RALYL: variants seen among roughly 807,000 people sequenced by gnomAD.
The protein encoded by RALYL is RALY RNA binding protein like, also known as RNA-binding Raly-like protein.
In RALYL, 29 loss-of-function variants were observed where a neutral mutation model predicts 35.1. That is an observed-to-expected ratio of 0.83 (90% CI 0.61 to 1.13). The LOEUF is 1.13. Ranked by LOEUF, RALYL falls within the 50% of genes most tolerant of loss-of-function variation. RALYL has a pLI of 0.00. For synonymous variants in RALYL, 120 were observed against 127.6 expected (o/e 0.94, Z 0.40); for missense variants, 359 against 360.4 (o/e 1.00, Z 0.03).
At chr8:84,784,853 G>A (rs554958602) in intron 3 of RALYL, among the ~76,000 whole-genome samples, 103 of 152,218 alleles carry the variant, frequency 6.8e-4, no homozygotes, top group Admixed American at 1.0e-3. Context: ...TGCTTCACAC[G>A]AAAATTCATT....
chr8:84,471,057 G>T (rs990134329), intron 1 of RALYL, among the ~76,000 whole-genome samples: 2 of 152,118 alleles, frequency 1.3e-5, no homozygotes, highest in Non-Finnish European at 2.9e-5. Flanking sequence ...CTGCCTCTTG[G>T]CTCTGAGTTA....
At chr8:84,473,979 G>C (rs2053099543) in intron 1 of RALYL, among the ~76,000 whole-genome samples, 3 of 151,868 alleles carry the variant, frequency 2.0e-5, no homozygotes, top group African/African-American at 4.8e-5. Flanking sequence ...TGAAATTCTT[G>C]TTCATATTAC....
At chr8:84,651,318 A>C (rs1365530379) in intron 2 of RALYL, among the ~76,000 whole-genome samples, 2 of 151,878 alleles carry the variant, frequency 1.3e-5, no homozygotes, top group Non-Finnish European at 2.9e-5. Context: ...ACTATGAATA[A>C]TACAGTTAAT....
At chr8:84,718,228 G>T (rs2132585874) in intron 2 of RALYL, among the ~76,000 whole-genome samples, 1 of 152,084 alleles carries the variant, frequency 6.6e-6, no homozygotes, top group Non-Finnish European at 1.5e-5. Context: ...TCCATTACTT[G>T]TCCCAATTGA....
chr8:84,688,780 A>T (rs1342796577), intron 2 of RALYL, among the ~76,000 whole-genome samples: 1 of 152,162 alleles, frequency 6.6e-6, no homozygotes, highest in Non-Finnish European at 1.5e-5. Context: ...TCATGGAGTG[A>T]AGAGTCAACC....
At chr8:84,184,793 G>A (rs956897434) in intron 1 of RALYL, 40 of 567,906 alleles carry the variant, frequency 7.0e-5, no homozygotes, top group Non-Finnish European at 1.2e-4. Flanking sequence ...ACAGCAGGAG[G>A]GGCGAGGGCC....
intron 2 of RALYL, among the ~76,000 whole-genome samples, chr8:84,714,818 T>A (rs1842721785): frequency 6.6e-6 from 1 of 151,890 alleles, no homozygotes; most frequent in Non-Finnish European, 1.5e-5. Context: ...GTGGGTATAA[T>A]AAGCCATTAT....
intron 1 of RALYL, among the ~76,000 whole-genome samples, chr8:84,372,004 T>C (rs186636763): frequency 3.9e-4 from 59 of 152,148 alleles, no homozygotes; most frequent in African/African-American, 1.1e-3. Context: ...TAAAGTTTCT[T>C]ACATGAATTT....
chr8:84,650,264 AC>A (rs1307451525), intron 2 of RALYL, among the ~76,000 whole-genome samples: 9 of 152,000 alleles, frequency 5.9e-5, no homozygotes, highest in African/African-American at 1.9e-4. Flanking sequence ...CTAATTGAGT[AC>A]CCTTTATTTC....
intron 2 of RALYL, among the ~76,000 whole-genome samples, chr8:84,757,905 T>G (rs996918497): frequency 1.3e-5 from 2 of 152,120 alleles, no homozygotes; most frequent in Admixed American, 6.6e-5. Context: ...AATCTGAGTT[T>G]CTGGCATGCT....
At chr8:84,726,722 G>GT (rs1018841384) in intron 2 of RALYL, among the ~76,000 whole-genome samples, 2 of 151,928 alleles carry the variant, frequency 1.3e-5, no homozygotes, top group African/African-American at 4.8e-5. Flanking sequence ...GTTTTATGAA[G>GT]TTTTTTTATG....
chr8:84,264,529 T>C (rs1180776364), intron 1 of RALYL, among the ~76,000 whole-genome samples: 1 of 151,546 alleles, frequency 6.6e-6, no homozygotes, highest in Non-Finnish European at 1.5e-5. Flanking sequence ...TAAATAGATT[T>C]CAAAGATTTT....
chr8:84,619,401 G>A (rs1207672756), intron 2 of RALYL, among the ~76,000 whole-genome samples: 1 of 149,584 alleles, frequency 6.7e-6, no homozygotes, highest in Non-Finnish European at 1.5e-5. Flanking sequence ...TTTTATCAGA[G>A]ACTAGGATTG....
chr8:84,267,574 C>CTGCCTATGTTACGCCATGTCT (rs1833566704), intron 1 of RALYL, among the ~76,000 whole-genome samples: 1 of 152,194 alleles, frequency 6.6e-6, no homozygotes, highest in African/African-American at 2.4e-5. Flanking sequence ...AAGCACGCTT[C>CTGCCTATGTTACGCCATGTCT]TGCCTATGTT....
intron 1 of RALYL, among the ~76,000 whole-genome samples, chr8:84,218,691 C>T (rs955848838): frequency 1.3e-5 from 2 of 152,076 alleles, no homozygotes; most frequent in African/African-American, 4.8e-5. Flanking sequence ...TGAGCTCCTA[C>T]AACACCTGTA....
At chr8:84,804,729 A>G (rs1824186270) in intron 3 of RALYL, 41 bp from the exon 4 acceptor site, 2 of 1,066,506 alleles carry the variant, frequency 1.9e-6, no homozygotes, top group East Asian at 3.5e-5. Context: ...AATATACAGC[A>G]AATTTTTATA....
intron 2 of RALYL, among the ~76,000 whole-genome samples, chr8:84,771,405 T>A (rs1320945667): frequency 1.3e-5 from 2 of 152,042 alleles, no homozygotes; most frequent in Non-Finnish European, 2.9e-5. Context: ...GTGTAAAAGG[T>A]TTTTTAAGTG....
chr8:84,753,623 T>C (rs576397711), intron 2 of RALYL, among the ~76,000 whole-genome samples: 1 of 152,226 alleles, frequency 6.6e-6, no homozygotes, highest in South Asian at 2.1e-4. Context: ...TAATAAAAGT[T>C]CTCATGAGAT....
At chr8:84,281,168 C>T (rs1836469236) in intron 1 of RALYL, among the ~76,000 whole-genome samples, 1 of 152,124 alleles carries the variant, frequency 6.6e-6, no homozygotes, top group African/African-American at 2.4e-5. Flanking sequence ...ATTGAAGACT[C>T]AATTTGTGGT....
Sources: gnomAD v4.1 joint callset for allele counts (sites outside exome capture counted in the v4.1 genomes callset) on GRCh38, gnomAD v4.1.1 for gene constraint, MANE v1.5 for transcripts, NCBI Gene and HGNC (gene_info 2026-07-23, HGNC 2026-07-21) for gene names.